The following CCDC117 variants were observed in gnomAD, a reference collection of about 807,000 sequenced individuals.
The protein encoded by CCDC117 is coiled-coil domain containing 117.
In CCDC117, 1 loss-of-function variant was observed where a neutral mutation model predicts 23.5. That is an observed-to-expected ratio of 0.04 (90% CI 0.02 to 0.20). The LOEUF (loss-of-function observed/expected upper bound fraction) is 0.20, where lower values mean the gene tolerates loss of function less well. Among genes scored for constraint, CCDC117 ranks in the 10% least tolerant of loss-of-function variants. CCDC117 has a pLI of 1.00. For synonymous variants in CCDC117, 132 were observed against 124.8 expected (o/e 1.06, Z -0.39); for missense variants, 383 against 348.2 (o/e 1.10, Z -0.80).
chr22:28,780,972 A>C lies in CCDC117; in HGVS notation c.264A>C (p.Ile88=), dbSNP rs1488850399. 1 of 1,613,326 alleles carries C rather than the reference A, an allele frequency of 6.2e-7. No homozygotes were observed. The highest frequency in any genetic ancestry group is 8.5e-7 in the Non-Finnish European group (1 of 1,179,556). ...GTTGTCCAGTAAGAAAGAAAAGGATAACTGAAGCAGAGCTCTGTGCTGGTC... is the reference window on the plus strand; with the variant it reads ...GTTGTCCAGTAAGAAAGAAAAGGATCACTGAAGCAGAGCTCTGTGCTGGTC... The part of the protein sequence containing the change: ...DDDCPVRKKR[I]TEAELCAGPN... Residue 88 remains isoleucine (I), a synonymous_variant, in exon 3 of 5, where the codon ATA becomes ATC. Transcript: ENST00000249064.
At chr22:28,776,165 T>TGG (rs2031156300) in intron 2 of CCDC117, among the ~76,000 whole-genome samples, 1 of 152,040 alleles carries the variant, frequency 6.6e-6, no homozygotes. Context: ...TCCCAGCACT[T>TGG]GGGGAGGCCA....
intron 2 of CCDC117, among the ~76,000 whole-genome samples, chr22:28,780,475 T>C (rs1021610855): frequency 3.3e-5 from 5 of 152,208 alleles, no homozygotes; most frequent in African/African-American, 9.6e-5. Flanking sequence ...TTTTGGTTTC[T>C]TTTTTTCATT....
intron 4 of CCDC117, among the ~76,000 whole-genome samples, chr22:28,784,512 A>G (rs964235904): frequency 3.6e-4 from 55 of 152,374 alleles, no homozygotes; most frequent in Admixed American, 3.6e-3. Flanking sequence ...GACACCAGTC[A>G]GTGAGGGCAG....
chr22:28,781,697 G>C lies in CCDC117; in HGVS notation c.464+525G>C, dbSNP rs192709431. 2.6e-4 allele frequency among the ~76,000 whole-genome samples: 39 copies of C among 151,932 alleles called. No homozygotes were observed. The East Asian group carries it at 7.6e-3, about 29-fold the overall frequency. The stretch of plus-strand genomic sequence containing the variant: ...TTTTGCTCGTTACCTAGGCTGGAGT[G>C]CAGTGGTGCCATCTTGGCTCAATGC... On this transcript the variant is annotated intron_variant, in intron 3 of 4. Coordinates refer to ENST00000249064, the MANE Select transcript of CCDC117 (RefSeq NM_173510.4).
intron 2 of CCDC117, among the ~76,000 whole-genome samples, chr22:28,778,507 C>T (rs1472437477): frequency 2.0e-5 from 3 of 152,032 alleles, no homozygotes; most frequent in Non-Finnish European, 4.4e-5. Flanking sequence ...ACTCGGGGGG[C>T]TGAGGCGGGA....
At chr22:28,773,066 C>CGCA (rs1431028061) in intron 1 of CCDC117, 32 bp downstream of exon 1, 1 of 63,678 alleles carries the variant, frequency 1.6e-5, no homozygotes, top group Non-Finnish European at 2.5e-5. Flanking sequence ...GGGCGCAGGG[C>CGCA]GGGCGGGCGG....
At chr22:28,785,396 C>T (rs5997403) in intron 4 of CCDC117, among the ~76,000 whole-genome samples, 11,810 of 151,922 alleles carry the variant, frequency 0.078, 602 homozygotes, top group East Asian at 0.28. Flanking sequence ...CCACATTGCC[C>T]GGGCTGGTTG....
chr22:28,781,330 G>GTTTT (rs1404977996), intron 3 of CCDC117, among the ~76,000 whole-genome samples, 158 bp downstream of exon 3: 41 of 37,644 alleles, frequency 1.1e-3, no homozygotes, highest in Non-Finnish European at 1.5e-3. Context: ...TTGTTTTTTT[G>GTTTT]TTTTGTTTTT....
chr22:28,784,682 G>C (rs1157529738), intron 4 of CCDC117, among the ~76,000 whole-genome samples: 1 of 152,234 alleles, frequency 6.6e-6, no homozygotes, highest in Non-Finnish European at 1.5e-5. Flanking sequence ...CCAGAAGTAA[G>C]CTGGTCACGT....
At position 28,788,978 on chromosome 22, in the gene CCDC117, T is replaced by G. The variant is rs892966056; in HGVS notation, c.*2652T>G. 2.7e-5 allele frequency: 4 copies of G among 150,902 alleles called. No individual in the cohort carries two copies. Among genetic ancestry groups the G allele is most frequent in the African/African-American group, 7.4e-5 (3 of 40,644 alleles). 9.3% of individuals were successfully genotyped at this position (150,902 alleles called of 1,614,324 possible). On this transcript the variant is annotated 3_prime_UTR_variant, in exon 5 of 5. Transcript: ENST00000249064. ...TTGTGGATTTTGTTTTTTGGGTTTTTTTTTTTTTTTTGTAATTATATGAAG... is the reference window on the plus strand; with the variant it reads ...TTGTGGATTTTGTTTTTTGGGTTTTGTTTTTTTTTTTGTAATTATATGAAG...
At position 28,780,975 on chromosome 22, in the gene CCDC117, T is replaced by C; in HGVS notation, c.267T>C (p.Thr89=). The change falls in exon 3 of 5, where the codon ACT becomes ACC. Residue 89 remains threonine (T), a synonymous_variant. Coordinates refer to ENST00000249064, the MANE Select transcript of CCDC117 (RefSeq NM_173510.4). ...GTCCAGTAAGAAAGAAAAGGATAAC[T>C]GAAGCAGAGCTCTGTGCTGGTCCTA... ...DDCPVRKKRI[T]EAELCAGPND... is the part of the protein sequence containing the mutation. 2 of 1,613,790 alleles carry C rather than the reference T, an allele frequency of 1.2e-6. No individual in the cohort carries two copies. Among genetic ancestry groups the C allele is most frequent in the South Asian group, 1.1e-5 (1 of 91,052 alleles).
intron 1 of CCDC117, 186 bp downstream of exon 1, chr22:28,773,220 A>G (rs1325338146): frequency 5.9e-6 from 1 of 168,656 alleles, no homozygotes; most frequent in Non-Finnish European, 1.2e-5. Context: ...CGGAGACGTT[A>G]ACTGTAAGTC....
chr22:28,786,444 A>C lies in CCDC117; in HGVS notation c.*118A>C. ...ATGAGACGGGTGTAATAATATCTCCACCTGTGATTTGGGGGTGGGACTCTT... is the reference window on the plus strand; with the variant it reads ...ATGAGACGGGTGTAATAATATCTCCCCCTGTGATTTGGGGGTGGGACTCTT... On this transcript the variant is annotated 3_prime_UTR_variant, in exon 5 of 5. Coordinates refer to ENST00000249064, the MANE Select transcript of CCDC117 (RefSeq NM_173510.4). The C allele has an allele frequency of 1.9e-5, 12 of 645,788 alleles. No individual in the cohort carries two copies. The highest frequency in any genetic ancestry group is 2.8e-5 in the Non-Finnish European group (11 of 389,218). The allele number at this position is 645,788 out of a possible 1,614,324, so 40.0% of individuals were successfully genotyped here. A position where few individuals can be genotyped will look rare whatever the true frequency, so the allele number is the denominator to read the frequency against.
Position 28,786,296 on chromosome 22 carries a change from T to C in CCDC117, c.810T>C (p.Ala270=), listed in dbSNP as rs753269320. The change falls in exon 5 of 5, where the codon GCT becomes GCC. Residue 270 remains alanine (A), a synonymous_variant. Transcript: ENST00000249064. ...CTCTTTATAATAGTTTGGAGACAGC[T>C]ACTAGCACAGAAGAAGAGATGGAAC... ...GMSLYNSLET[A]TSTEEEMEL The C allele has an allele frequency of 6.2e-7, 1 of 1,613,808 alleles. No homozygotes were observed. The highest frequency in any genetic ancestry group is 8.5e-7 in the Non-Finnish European group (1 of 1,179,874).
Position 28,788,952 on chromosome 22 carries a change from G to A in CCDC117, c.*2626G>A, listed in dbSNP as rs2031593932. On this transcript the variant is annotated 3_prime_UTR_variant, in exon 5 of 5. Transcript: ENST00000249064. ...TTTTATCTGAGTTTGAGTAGGGTGC[G>A]TTGTGGATTTTGTTTTTTGGGTTTT... The A allele has an allele frequency of 2.0e-5, 3 of 148,310 alleles. No homozygotes were observed. The highest frequency in any genetic ancestry group is 1.3e-4 in the Admixed American group (2 of 14,878). The allele number at this position is 148,310 out of a possible 1,614,324, so 9.2% of individuals were successfully genotyped here. A position where few individuals can be genotyped will look rare whatever the true frequency, so the allele number is the denominator to read the frequency against.
chr22:28,780,381 A>AAT (rs1323749216), intron 2 of CCDC117, among the ~76,000 whole-genome samples: 1 of 152,202 alleles, frequency 6.6e-6, no homozygotes, highest in Non-Finnish European at 1.5e-5. Context: ...GCCCTAAGGG[A>AAT]ATATAGAATG....
At chr22:28,774,240 T>A (rs1406842167) in intron 2 of CCDC117, among the ~76,000 whole-genome samples, 1 of 151,756 alleles carries the variant, frequency 6.6e-6, no homozygotes, top group East Asian at 1.9e-4. Flanking sequence ...GCAATTTTTT[T>A]TTTTTTTTAG....
intron 3 of CCDC117, 109 bp from the exon 4 acceptor site, chr22:28,783,399 T>TA: frequency 9.5e-7 from 1 of 1,053,498 alleles, no homozygotes; most frequent in Non-Finnish European, 1.4e-6. Context: ...ATTGCTGTAT[T>TA]ACTTACTGCT....
rs1360284923 is a variant in CCDC117, at chr22:28,787,510, T to G, written c.*1184T>G. The G allele has an allele frequency of 1.3e-5, 2 of 152,264 alleles. No individual in the cohort carries two copies. Among genetic ancestry groups the G allele is most frequent in the African/African-American group, 4.8e-5 (2 of 41,440 alleles). 9.4% of individuals were successfully genotyped at this position (152,264 alleles called of 1,614,324 possible). A position where few individuals can be genotyped will look rare whatever the true frequency, so the allele number is the denominator to read the frequency against. On this transcript the variant is annotated 3_prime_UTR_variant, in exon 5 of 5. Transcript: ENST00000249064. Reference sequence around the variant, plus strand: ...CTGAAAATATATGAGCAGGTGACATTGAGGTTTACTGAAATAGCCAATTTG... The same window carrying G: ...CTGAAAATATATGAGCAGGTGACATGGAGGTTTACTGAAATAGCCAATTTG...
Sources: allele counts gnomAD v4.1 joint callset (sites outside exome capture counted in the v4.1 genomes callset), GRCh38; gene constraint gnomAD v4.1.1; transcripts MANE v1.5; gene names NCBI Gene and HGNC (gene_info 2026-07-23, HGNC 2026-07-21).